Variants in LRRC8B observed in about 807,000 individuals in gnomAD.
LRRC8B encodes the protein volume-regulated anion channel subunit LRRC8B.
LRRC8B carries 23 observed loss-of-function variants against 58.8 expected under a neutral mutation model. The ratio of observed to expected loss-of-function variants is 0.39; its 90% CI spans 0.28 to 0.55. The LOEUF is 0.55. LRRC8B is among the 20% of genes least tolerant of loss of function. The probability of loss-of-function intolerance (pLI) is 0.62; values close to 1 mark genes in which losing one functional copy is unlikely to be tolerated. For missense variants in LRRC8B, 694 were observed against 936.0 expected, an observed-to-expected ratio of 0.74 and a Z score of 3.37; for synonymous variants, 359 against 374.1, an observed-to-expected ratio of 0.96 and a Z score of 0.47.
At chr1:89,548,324 T>A (rs1312233524) in intron 1 of LRRC8B, among the ~76,000 whole-genome samples, 1 of 152,214 alleles carries the variant, frequency 6.6e-6, no homozygotes, top group Non-Finnish European at 1.5e-5. Context: ...GATTTGATTA[T>A]GCAATAATGC....
chr1:89,570,315 T>C (rs1030410973), intron 3 of LRRC8B, among the ~76,000 whole-genome samples: 1 of 152,218 alleles, frequency 6.6e-6, no homozygotes, highest in African/African-American at 2.4e-5. Context: ...CTACAATGGT[T>C]GAACTAATTT....
chr1:89,579,713 T>C (rs1442383911), intron 4 of LRRC8B, 25 bp downstream of exon 4: 2 of 152,624 alleles, frequency 1.3e-5, no homozygotes, highest in African/African-American at 2.4e-5. Context: ...TTAAAACACT[T>C]TTTTTGGTCA....
Position 89,583,313 on chromosome 1 carries a change from A to G in LRRC8B, c.663A>G (p.Pro221=), listed in dbSNP as rs367612209. Residue 221 remains proline, a synonymous_variant, in exon 5 of 6, where the codon CCA becomes CCG. Transcript: ENST00000330947. The surrounding 1 kb of genome is among the most constrained non-coding windows in gnomAD (Gnocchi z 5.2). ...PGLESAGIES[P]TSSVLDKKEG... ...TGGAGTCAGCTGGCATAGAAAGCCC[A>G]ACTTCCAGTGTCCTGGACAAGAAGG... 4.3e-5 allele frequency: 70 copies of G among 1,614,098 alleles called. No homozygotes were observed. The highest frequency in any genetic ancestry group is 5.8e-5 in the Non-Finnish European group (68 of 1,180,044).
At chr1:89,551,601 A>G (rs369710551) in intron 1 of LRRC8B, among the ~76,000 whole-genome samples, 1 of 152,218 alleles carries the variant, frequency 6.6e-6, no homozygotes, top group Non-Finnish European at 1.5e-5. Flanking sequence ...GCAAATGCTC[A>G]ATGAATTCTC....
At chr1:89,570,412 T>C (rs1653378086) in intron 3 of LRRC8B, among the ~76,000 whole-genome samples, 1 of 152,206 alleles carries the variant, frequency 6.6e-6, no homozygotes, top group Non-Finnish European at 1.5e-5. Context: ...GTATCCTTTC[T>C]GGCTGGTGTG....
chr1:89,582,789 C>G lies in LRRC8B; in HGVS notation c.139C>G (p.Leu47Val), dbSNP rs1654327425. The change falls in exon 5 of 6, where the codon CTG becomes GTG. Residue 47 changes from leucine (L) to valine (V), a missense_variant. Transcript: ENST00000330947. ...LVAVLAGALQ[L>V]TQSRVLCCLP... ...GGCCGTGCTGGCCGGAGCTCTCCAGCTGACGCAGAGCAGGGTTCTGTGCTG... is the reference window on the plus strand; with the variant it reads ...GGCCGTGCTGGCCGGAGCTCTCCAGGTGACGCAGAGCAGGGTTCTGTGCTG... The G allele has an allele frequency of 6.2e-7, 1 of 1,614,090 alleles. No homozygotes were observed. Among genetic ancestry groups the G allele is most frequent in the African/African-American group, 1.3e-5 (1 of 74,932 alleles).
chr1:89,529,428 G>A (rs565570619), intron 1 of LRRC8B, among the ~76,000 whole-genome samples: 9 of 152,280 alleles, frequency 5.9e-5, no homozygotes, highest in African/African-American at 2.2e-4. Flanking sequence ...AACATGGCAT[G>A]TGAAATCAAA....
chr1:89,580,947 T>C (rs1303479590), intron 4 of LRRC8B, among the ~76,000 whole-genome samples: 1 of 152,032 alleles, frequency 6.6e-6, no homozygotes, highest in Non-Finnish European at 1.5e-5. Context: ...AATGGGACTC[T>C]AAGGTTCAAG....
chr1:89,584,931 A>G (rs996643573), intron 5 of LRRC8B, 142 bp downstream of exon 5: 18 of 591,444 alleles, frequency 3.0e-5, no homozygotes, highest in South Asian at 3.0e-5. Context: ...CAAAACACTG[A>G]GCATCCATTT....
At chr1:89,550,879 C>T (rs1055203233) in intron 1 of LRRC8B, among the ~76,000 whole-genome samples, 6 of 152,104 alleles carry the variant, frequency 3.9e-5, no homozygotes, top group African/African-American at 1.4e-4. Context: ...CCCCGGCCCC[C>T]GATCCTGCCC....
chr1:89,554,286 G>T (rs1420901297), intron 1 of LRRC8B, among the ~76,000 whole-genome samples: 1 of 152,004 alleles, frequency 6.6e-6, no homozygotes, highest in African/African-American at 2.4e-5. Flanking sequence ...TATGTGCCCT[G>T]TTATTAACCA....
Position 89,584,225 on chromosome 1 carries a change from G to C in LRRC8B, c.1575G>C (p.Gln525His), listed in dbSNP as rs761793676. ...LYLSGCVLPE[Q>H]LSTMQLEGFQ... ...TTTCGGGCTGTGTTCTCCCTGAACA[G>C]TTGAGTACTATGCAGTTGGAGGGCT... Residue 525 changes from glutamine (Q) to histidine (H), a missense_variant, in exon 5 of 6, where the codon CAG becomes CAC. Physicochemically the swap from Gln to His is conservative, Grantham distance 24. Coordinates refer to ENST00000330947, the MANE Select transcript of LRRC8B (RefSeq NM_001369817.2). 1.6e-5 allele frequency: 26 copies of C among 1,612,044 alleles called. No individual in the cohort carries two copies. Among genetic ancestry groups the C allele is most frequent in the Non-Finnish European group, 2.1e-5 (25 of 1,180,032 alleles).
chr1:89,563,442 A>G (rs1321355366), intron 1 of LRRC8B, among the ~76,000 whole-genome samples: 1 of 152,188 alleles, frequency 6.6e-6, no homozygotes, highest in East Asian at 1.9e-4. Flanking sequence ...GCATCAAGGT[A>G]TATTAAAGGC....
chr1:89,526,231 T>C (rs1293518426), intron 1 of LRRC8B, among the ~76,000 whole-genome samples: 1 of 152,216 alleles, frequency 6.6e-6, no homozygotes, highest in Admixed American at 6.5e-5. Flanking sequence ...TTGTTTTGTT[T>C]TGAGACGGAG....
At chr1:89,537,262 G>T (rs966723584) in intron 1 of LRRC8B, among the ~76,000 whole-genome samples, 1 of 152,094 alleles carries the variant, frequency 6.6e-6, no homozygotes, top group African/African-American at 2.4e-5. Flanking sequence ...AGACCCTGTC[G>T]CTTAAGAACA....
In LRRC8B at chr1:89,584,617, C is replaced by T. The variant is rs1654492040; in HGVS notation, c.1967C>T (p.Ser656Phe). Residue 656 changes from serine (S) to phenylalanine (F), a missense_variant, in exon 5 of 6, where the codon TCT (serine) becomes TTT (phenylalanine). Transcript: ENST00000330947. The part of the protein sequence containing the change: ...AYIPAQIGAL[S>F]NLEQLSLDHN... ...ATTCCTGCACAGATTGGGGCATTAT[C>T]TAACCTAGAGCAGCTCTCTTTGGAC... The T allele has an allele frequency of 1.2e-6, 2 of 1,613,994 alleles. No individual in the cohort carries two copies. The highest frequency in any genetic ancestry group is 3.3e-5 in the Admixed American group (2 of 60,002).
intron 5 of LRRC8B, among the ~76,000 whole-genome samples, chr1:89,590,795 T>G (rs1654927538): frequency 6.6e-6 from 1 of 152,236 alleles, no homozygotes; most frequent in Non-Finnish European, 1.5e-5. Flanking sequence ...TAGGGCACTT[T>G]TCTTCATACC....
Position 89,585,269 on chromosome 1 carries a change from G to A in LRRC8B, c.2139+480G>A, listed in dbSNP as rs570083628. Among the ~76,000 whole-genome samples, 10 of 152,272 alleles carry A rather than the reference G, an allele frequency of 6.6e-5. 2 individuals are homozygous for A. Among genetic ancestry groups the A allele is most frequent in the African/African-American group, 2.4e-4 (10 of 41,558 alleles). On this transcript the variant is annotated intron_variant, in intron 5 of 5. Transcript: ENST00000330947. ...TTTTGTGATGTGGTGAAAAAGATTT[G>A]AAATCTGCATGCATGTCTAGAAAGA...
intron 1 of LRRC8B, among the ~76,000 whole-genome samples, chr1:89,544,400 C>A (rs1284760861): frequency 6.6e-6 from 1 of 152,136 alleles, no homozygotes; most frequent in Non-Finnish European, 1.5e-5. Context: ...CTGTGTATTT[C>A]TATGATTTTG....
Sources: gnomAD v4.1 joint callset for allele counts (sites outside exome capture counted in the v4.1 genomes callset) on GRCh38, gnomAD v4.1.1 for gene constraint, Gnocchi (gnomAD v3.1) non-coding constraint, MANE v1.5 for transcripts, NCBI Gene and HGNC (gene_info 2026-07-23, HGNC 2026-07-21) for gene names.